Variants in NME9 observed in about 807,000 individuals in gnomAD.
The protein encoded by NME9 is thioredoxin domain-containing protein 6.
Under a neutral mutation model 44.4 loss-of-function variants are expected in NME9, and 48 were observed. That is an observed-to-expected ratio of 1.08 (90% CI 0.86 to 1.37). The LOEUF (loss-of-function observed/expected upper bound fraction) is 1.37. NME9 is among the 40% of genes most tolerant of loss of function. NME9 has a pLI of 0.00. For synonymous variants in NME9, 139 were observed against 147.1 expected, an observed-to-expected ratio of 0.94 and a Z score of 0.40; for missense variants, 325 against 405.2, an observed-to-expected ratio of 0.80 and a Z score of 1.70.
At chr3:138,273,546 C>A (rs1243556985) in intron 8 of NME9, among the ~76,000 whole-genome samples, 1 of 152,156 alleles carries the variant, frequency 6.6e-6, no homozygotes, top group African/African-American at 2.4e-5. Flanking sequence ...ACGGGATTGA[C>A]CTCTGAAGAT....
At chr3:138,295,929 C>T (rs759648213) in intron 8 of NME9, 1 of 1,609,938 alleles carries the variant, frequency 6.2e-7, no homozygotes, top group African/African-American at 1.3e-5. Flanking sequence ...CATCCCACCT[C>T]CTTGTTTAAG....
At chr3:138,274,232 CATGTGTGT>C (rs981987639) in intron 8 of NME9, among the ~76,000 whole-genome samples, 1 of 145,284 alleles carries the variant, frequency 6.9e-6, no homozygotes, top group African/African-American at 2.8e-5. Context: ...TGTGTATATA[CATGTGTGT>C]GTGTGTGTGT....
At chr3:138,321,826 C>T (rs1031482772) in intron 2 of NME9, among the ~76,000 whole-genome samples, 1 of 151,186 alleles carries the variant, frequency 6.6e-6, no homozygotes, top group Admixed American at 6.6e-5. Context: ...TTGAGCCTGG[C>T]AGAGAAAAAG....
chr3:138,267,990 C>T (rs2048433713), intron 8 of NME9, among the ~76,000 whole-genome samples: 1 of 151,948 alleles, frequency 6.6e-6, no homozygotes, highest in African/African-American at 2.4e-5. Flanking sequence ...TGCGTGTAAA[C>T]CCAGCAGTTT....
chr3:138,264,332 G>A (rs2048042030), intron 8 of NME9: 2 of 636,682 alleles, frequency 3.1e-6, no homozygotes, highest in South Asian at 2.2e-5. Flanking sequence ...CATTTTGAAC[G>A]TTTATCTCCT....
At chr3:138,294,418 C>G (rs999216752) in intron 8 of NME9, among the ~76,000 whole-genome samples, 3 of 152,170 alleles carry the variant, frequency 2.0e-5, no homozygotes, top group Non-Finnish European at 4.4e-5. Context: ...CATTCATAAA[C>G]TTGTTTCTGA....
At chr3:138,280,388 G>A (rs1263757181) in intron 8 of NME9, among the ~76,000 whole-genome samples, 1 of 151,748 alleles carries the variant, frequency 6.6e-6, no homozygotes, top group Admixed American at 6.6e-5. Flanking sequence ...TGTGATCTTG[G>A]CTCACTGCAG....
downstream of NME9, among the ~76,000 whole-genome samples, chr3:138,298,884 G>A (rs544738913): frequency 3.3e-5 from 5 of 152,300 alleles, no homozygotes; most frequent in South Asian, 4.1e-4. Context: ...CCAGAGTGGC[G>A]GGAGGATGAT....
chr3:138,286,178 A>G (rs570054432), intron 8 of NME9, among the ~76,000 whole-genome samples: 1 of 152,236 alleles, frequency 6.6e-6, no homozygotes, highest in East Asian at 1.9e-4. Context: ...CCTGATCTCA[A>G]ATGATCCACC....
intron 8 of NME9, chr3:138,284,674 G>A: frequency 1.6e-6 from 1 of 609,342 alleles, no homozygotes; most frequent in Non-Finnish European, 2.8e-6. Flanking sequence ...CTTCCATCCT[G>A]AAGAAAAAGA....
chr3:138,296,935 G>C (rs530717726), downstream of NME9: 1 of 152,252 alleles, frequency 6.6e-6, no homozygotes, highest in South Asian at 2.1e-4. Flanking sequence ...CTAAAAGTAG[G>C]TCATCACTTC....
rs2049141775 is a variant in NME9, at chr3:138,275,009, T to G, written c.746-12423A>C. Among the ~76,000 whole-genome samples, 3 of 152,212 alleles carry G rather than the reference T, an allele frequency of 2.0e-5. No individual in the cohort carries two copies. In the South Asian group the frequency reaches 6.2e-4, roughly 31 times the overall value. On this transcript the variant is annotated intron_variant, in intron 8 of 8. Transcript: ENST00000317876. ...CATCTTATTCCTCATCCCATAACCC[T>G]ACTTCCATTAAGTTTCAGGAGGGCA...
At position 138,329,365 on chromosome 3, in the gene NME9, C is replaced by A; in HGVS notation, c.-30G>T. ...CTGCAAAGAAGACGAAGCCCTGTTA[C>A]CGCGGCCGTGGGCCGTTCCCCCGCA... On this transcript the variant is annotated 5_prime_UTR_variant, in exon 1 of 11. Coordinates refer to ENST00000333911, the MANE Select transcript of NME9 (RefSeq NM_001349018.2). The A allele has an allele frequency of 6.5e-7, 1 of 1,536,072 alleles. No individual in the cohort carries two copies. The highest frequency in any genetic ancestry group is 1.2e-5 in the South Asian group (1 of 84,026).
intron 8 of NME9, among the ~76,000 whole-genome samples, chr3:138,295,054 A>G (rs927192076): frequency 6.6e-5 from 10 of 151,880 alleles, no homozygotes; most frequent in Non-Finnish European, 1.2e-4. Context: ...GCCCGCTGCC[A>G]CACTCGGCTA....
chr3:138,286,127 G>A (rs945050199), intron 8 of NME9, among the ~76,000 whole-genome samples: 3 of 152,102 alleles, frequency 2.0e-5, no homozygotes, highest in Non-Finnish European at 4.4e-5. Flanking sequence ...ATTTTTAGAA[G>A]AGATGGGGTT....
chr3:138,322,676 A>T (rs1218735782), intron 2 of NME9, among the ~76,000 whole-genome samples: 1 of 152,138 alleles, frequency 6.6e-6, no homozygotes, highest in Non-Finnish European at 1.5e-5. Context: ...CTATGTATTT[A>T]TATGCTCCAT....
chr3:138,279,688 G>T (rs910106693), intron 8 of NME9, among the ~76,000 whole-genome samples: 1 of 152,168 alleles, frequency 6.6e-6, no homozygotes, highest in African/African-American at 2.4e-5. Flanking sequence ...TTGTGGAAAG[G>T]TGTTTAACTA....
At chr3:138,263,856 T>G (rs1429471325) in intron 8 of NME9, 30 of 1,580,914 alleles carry the variant, frequency 1.9e-5, no homozygotes, top group Non-Finnish European at 2.5e-5. Context: ...AAAAACCTTT[T>G]GCCATATATT....
chr3:138,274,388 C>T, intron 8 of NME9: 1 of 1,123,162 alleles, frequency 8.9e-7, no homozygotes. Flanking sequence ...TTTTAGAAGC[C>T]TTGTATTCGT....
Sources: gnomAD v4.1 joint callset for allele counts (sites outside exome capture counted in the v4.1 genomes callset) on GRCh38, gnomAD v4.1.1 for gene constraint, MANE v1.5 for transcripts, NCBI Gene and HGNC (gene_info 2026-07-23, HGNC 2026-07-21) for gene names.